Variants in ZNF248 observed in about 807,000 individuals in gnomAD.
ZNF248 encodes the protein zinc finger protein 248.
A neutral mutation model predicts 44.3 loss-of-function variants in ZNF248; 20 were observed. That is an observed-to-expected ratio of 0.45 (90% CI 0.32 to 0.66). ZNF248 has a LOEUF of 0.66. Among genes scored for constraint, ZNF248 ranks in the 30% least tolerant of loss-of-function variants. ZNF248 has a pLI of 0.04. For missense variants in ZNF248, 654 were observed against 677.0 expected (o/e 0.97, Z 0.38); for synonymous variants, 224 against 229.0 (o/e 0.98, Z 0.20).
chr10:37,843,094 A>G (rs1298713092), intron 3 of ZNF248, among the ~76,000 whole-genome samples: 3 of 152,200 alleles, frequency 2.0e-5, no homozygotes, highest in African/African-American at 7.2e-5. Flanking sequence ...AGCTGAAAGC[A>G]AGCTAAGGAA....
intron 3 of ZNF248, among the ~76,000 whole-genome samples, chr10:37,840,067 T>A (rs1051298230): frequency 6.6e-6 from 1 of 151,994 alleles, no homozygotes; most frequent in African/African-American, 2.4e-5. Flanking sequence ...TAAACAACCA[T>A]ACAAATAACC....
At chr10:37,763,863 A>C in the ZNF248 span, among the ~76,000 whole-genome samples, 5 of 152,334 alleles carry the variant, frequency 3.3e-5, no homozygotes, top group African/African-American at 1.2e-4. Context: ...TCACTTCCCC[A>C]ATCAATATTC....
intron 3 of ZNF248, among the ~76,000 whole-genome samples, chr10:37,847,047 GTTGT>G (rs2059441582): frequency 6.6e-6 from 1 of 152,074 alleles, no homozygotes; most frequent in Non-Finnish European, 1.5e-5. Context: ...TGTTGCTGCT[GTTGT>G]TTGAGACAGG....
chr10:37,849,916 C>A (rs1027122801), intron 3 of ZNF248, among the ~76,000 whole-genome samples: 1 of 151,804 alleles, frequency 6.6e-6, no homozygotes, highest in Non-Finnish European at 1.5e-5. Flanking sequence ...ATTAAAAATA[C>A]AAAACTTAGT....
At chr10:37,807,654 C>T (rs1285798213) in intron 6 of ZNF248, among the ~76,000 whole-genome samples, 1 of 152,052 alleles carries the variant, frequency 6.6e-6, no homozygotes, top group African/African-American at 2.4e-5. Context: ...CTTGATGTAG[C>T]TTTTTTGATG....
intron 6 of ZNF248, among the ~76,000 whole-genome samples, chr10:37,787,868 T>C (rs2048067990): frequency 6.6e-6 from 1 of 152,174 alleles, no homozygotes. Context: ...GTGACAGCTA[T>C]TGTGATTCAA....
downstream of ZNF248, among the ~76,000 whole-genome samples, chr10:37,824,770 C>T (rs1005089352): frequency 5.9e-5 from 8 of 135,246 alleles, no homozygotes; most frequent in Non-Finnish European, 9.2e-5. Flanking sequence ...CAAGCTCCAC[C>T]TCTCCGGTTC....
intron 5 of ZNF248, among the ~76,000 whole-genome samples, chr10:37,834,922 G>C (rs1320655330): frequency 6.6e-6 from 1 of 152,112 alleles, no homozygotes; most frequent in African/African-American, 2.4e-5. Context: ...ATTTAAGACA[G>C]GTAGCAAGGG....
At chr10:37,823,667 G>A (rs867106719) in intron 6 of ZNF248, among the ~76,000 whole-genome samples, 8 of 151,870 alleles carry the variant, frequency 5.3e-5, no homozygotes. Flanking sequence ...TCCATCTCCT[G>A]GGTTCAAGCG....
rs766126455 is a variant in ZNF248 at position 37,856,289 on chromosome 10, A to C, written c.15+7T>G. Reference sequence around the variant, plus strand: ...ACAAACTGGGAATAAAGAAACAAGAATCTCACCTGGGATTTGTTCATTTTC... The same window carrying C: ...ACAAACTGGGAATAAAGAAACAAGACTCTCACCTGGGATTTGTTCATTTTC... On this transcript the variant is annotated splice_region_variant and intron_variant, in intron 3 of 5. Transcript: ENST00000395867. The C allele has an allele frequency of 3.1e-6, 5 of 1,613,136 alleles. No individual in the cohort carries two copies. Among genetic ancestry groups the C allele is most frequent in the African/African-American group, 1.3e-5 (1 of 74,900 alleles).
At chr10:37,835,900 T>C (rs946779222) in intron 5 of ZNF248, among the ~76,000 whole-genome samples, 1 of 152,176 alleles carries the variant, frequency 6.6e-6, no homozygotes, top group Admixed American at 6.5e-5. Flanking sequence ...ACATATCCAA[T>C]CTCTTAGTCA....
intron 6 of ZNF248, among the ~76,000 whole-genome samples, chr10:37,822,544 GA>G (rs1465064635): frequency 6.6e-6 from 1 of 152,060 alleles, no homozygotes; most frequent in East Asian, 1.9e-4. Context: ...TGTGTACCAT[GA>G]GAATCTTCAG....
At chr10:37,768,466 C>T in the ZNF248 span, among the ~76,000 whole-genome samples, 2 of 152,204 alleles carry the variant, frequency 1.3e-5, no homozygotes, top group African/African-American at 4.8e-5. Flanking sequence ...GACTAAGAAA[C>T]TCACTCAAAA....
intron 6 of ZNF248, among the ~76,000 whole-genome samples, chr10:37,779,508 C>A (rs563214709): frequency 6.6e-6 from 1 of 151,822 alleles, no homozygotes; most frequent in Non-Finnish European, 1.5e-5. Context: ...ATTGATGGGA[C>A]GTATTTCAAA....
At chr10:37,790,925 A>G (rs1177549773) in intron 6 of ZNF248, among the ~76,000 whole-genome samples, 6 of 147,780 alleles carry the variant, frequency 4.1e-5, no homozygotes, top group Non-Finnish European at 6.0e-5. Flanking sequence ...ATTATCTTAA[A>G]AAAAAAAAAA....
the ZNF248 span, among the ~76,000 whole-genome samples, chr10:37,759,394 T>C: frequency 6.6e-6 from 1 of 152,242 alleles, no homozygotes; most frequent in Admixed American, 6.5e-5. Context: ...AAACTATACA[T>C]TGGGTGCTAG....
At chr10:37,851,632 T>G (rs922968407) in intron 3 of ZNF248, among the ~76,000 whole-genome samples, 4 of 151,682 alleles carry the variant, frequency 2.6e-5, no homozygotes, top group African/African-American at 9.7e-5. Flanking sequence ...AAAAAAAAAT[T>G]ACCATTCTTC....
intron 6 of ZNF248, among the ~76,000 whole-genome samples, chr10:37,818,138 G>C (rs370376258): frequency 6.6e-6 from 1 of 151,892 alleles, no homozygotes; most frequent in Admixed American, 6.5e-5. Flanking sequence ...GGATGGTCTC[G>C]ATCTCCTGAC....
chr10:37,854,400 A>G (rs1373411383), intron 3 of ZNF248, among the ~76,000 whole-genome samples: 1 of 152,242 alleles, frequency 6.6e-6, no homozygotes, highest in East Asian at 1.9e-4. Context: ...AACCCAAAAG[A>G]AAAATAGGCA....
Sources: allele counts gnomAD v4.1 joint callset (sites outside exome capture counted in the v4.1 genomes callset), GRCh38; gene constraint gnomAD v4.1.1; transcripts MANE v1.5; gene names NCBI Gene and HGNC (gene_info 2026-07-23, HGNC 2026-07-21).